Variants in DGKI observed in about 807,000 individuals in gnomAD.
DGKI encodes DAG kinase iota.
Under a neutral mutation model 147.5 loss-of-function variants are expected in DGKI, and 55 were observed. The ratio of observed to expected loss-of-function variants is 0.37; its 90% CI spans 0.30 to 0.47. DGKI has a LOEUF of 0.47. Among genes scored for constraint, DGKI ranks in the 20% least tolerant of loss-of-function variants. DGKI has a pLI of 1.00. For synonymous variants in DGKI, 469 were observed against 477.1 expected (o/e 0.98, Z 0.22); for missense variants, 1,007 against 1,323.8 (o/e 0.76, Z 3.71).
chr7:137,525,887 C>G (rs1008242672), intron 20 of DGKI, among the ~76,000 whole-genome samples: 5 of 151,848 alleles, frequency 3.3e-5, no homozygotes, highest in Non-Finnish European at 7.4e-5. Context: ...GCTGGGCTAC[C>G]TCTGGGGGGA....
Position 137,846,509 on chromosome 7 carries a change from C to A in DGKI, c.354G>T (p.Leu118=). 1 of 1,587,466 alleles carries A rather than the reference C, an allele frequency of 6.3e-7. No individual in the cohort carries two copies. The highest frequency in any genetic ancestry group is 8.5e-7 in the Non-Finnish European group (1 of 1,169,928). The change falls in exon 1 of 33, where the codon CTG becomes CTT. Residue 118 remains leucine, a synonymous_variant. Coordinates refer to ENST00000614521, the MANE Select transcript of DGKI (RefSeq NM_001321708.2). This position sits in a 1 kb window ranked among gnomAD's most constrained non-coding sequence, Gnocchi z 4.0. ...AAGTTAAGTTCCTCAGCTTCTCCTC[C>A]AGCGCTTCGTCCTTCTCCTTCTGGC... ...AAGQKEKDEA[L]EEKLRNLTFR...
At chr7:137,740,287 T>C (rs556069643) in intron 1 of DGKI, among the ~76,000 whole-genome samples, 11 of 152,320 alleles carry the variant, frequency 7.2e-5, no homozygotes, top group African/African-American at 2.4e-4. Flanking sequence ...TTTGATTTTA[T>C]TCCCATCATT....
At chr7:137,434,332 C>A (rs1813199337) in intron 28 of DGKI, among the ~76,000 whole-genome samples, 1 of 151,988 alleles carries the variant, frequency 6.6e-6, no homozygotes, top group Non-Finnish European at 1.5e-5. Context: ...GTAATCCCAG[C>A]ACTTTGGGAG....
At chr7:137,664,998 A>T (rs1227821148) in intron 3 of DGKI, among the ~76,000 whole-genome samples, 3 of 145,518 alleles carry the variant, frequency 2.1e-5, no homozygotes, top group African/African-American at 8.6e-5. Flanking sequence ...TGGCGGAAAA[A>T]CATTCTAGGC....
chr7:137,417,527 T>C (rs1235307991), intron 28 of DGKI, among the ~76,000 whole-genome samples: 1 of 152,222 alleles, frequency 6.6e-6, no homozygotes, highest in Non-Finnish European at 1.5e-5. Flanking sequence ...CTCTTAAGTC[T>C]GGGCTCTCAA....
intron 1 of DGKI, among the ~76,000 whole-genome samples, chr7:137,759,257 T>C (rs571143930): frequency 6.6e-6 from 1 of 152,332 alleles, no homozygotes; most frequent in African/African-American, 2.4e-5. Context: ...CTTAGTTCAC[T>C]GAGACAATGG....
chr7:137,698,361 G>C (rs367744103), intron 1 of DGKI, among the ~76,000 whole-genome samples: 11 of 152,196 alleles, frequency 7.2e-5, no homozygotes, highest in African/African-American at 2.6e-4. Context: ...TGCTTGTCAG[G>C]GATTAAAGGA....
At chr7:137,733,954 G>A (rs927364935) in intron 1 of DGKI, among the ~76,000 whole-genome samples, 1 of 152,006 alleles carries the variant, frequency 6.6e-6, no homozygotes, top group African/African-American at 2.4e-5. Context: ...CATTTGAATA[G>A]GCAACAGTTT....
intron 27 of DGKI, among the ~76,000 whole-genome samples, chr7:137,444,372 C>T (rs1428801220): frequency 6.6e-6 from 1 of 152,032 alleles, no homozygotes; most frequent in Non-Finnish European, 1.5e-5. Flanking sequence ...AGATTTACCA[C>T]ACAAAAAAAG....
intron 1 of DGKI, among the ~76,000 whole-genome samples, chr7:137,796,802 C>T (rs574960608): frequency 6.6e-6 from 1 of 152,066 alleles, no homozygotes; most frequent in Non-Finnish European, 1.5e-5. Flanking sequence ...TAAACAAAGC[C>T]TCAGAGACTT....
chr7:137,836,425 C>T (rs912749647), intron 1 of DGKI, among the ~76,000 whole-genome samples: 4 of 152,140 alleles, frequency 2.6e-5, no homozygotes, highest in Non-Finnish European at 4.4e-5. Flanking sequence ...AACAGGTCCT[C>T]GAGCTAAAGG....
intron 27 of DGKI, among the ~76,000 whole-genome samples, chr7:137,445,696 G>A (rs1239493337): frequency 6.6e-6 from 1 of 152,098 alleles, no homozygotes; most frequent in African/African-American, 2.4e-5. Flanking sequence ...AAGTCATCAT[G>A]TTACTGTAAA....
chr7:137,409,452 G>A (rs965963568), intron 29 of DGKI, among the ~76,000 whole-genome samples: 3 of 152,170 alleles, frequency 2.0e-5, no homozygotes, highest in African/African-American at 7.2e-5. Flanking sequence ...AGAAGCACTA[G>A]GGAAGCATGA....
intron 31 of DGKI, among the ~76,000 whole-genome samples, chr7:137,397,132 G>A (rs1476151001): frequency 3.9e-5 from 6 of 152,228 alleles, no homozygotes; most frequent in African/African-American, 1.2e-4. Context: ...TACATTGTTT[G>A]AAGCAAGCTC....
At chr7:137,546,906 C>G (rs922656690) in intron 20 of DGKI, among the ~76,000 whole-genome samples, 2 of 152,214 alleles carry the variant, frequency 1.3e-5, no homozygotes, top group Non-Finnish European at 2.9e-5. Flanking sequence ...TAATAGTTCT[C>G]AGCAGCCTAG....
rs554909671 is a variant in DGKI at position 137,711,764 on chromosome 7, G to A, written c.402-21762C>T. Among the ~76,000 whole-genome samples, 12 of 145,024 alleles carry A rather than the reference G, an allele frequency of 8.3e-5. No homozygotes were observed. In the South Asian group the frequency reaches 2.7e-3, roughly 32 times the overall value. On this transcript the variant is annotated intron_variant, in intron 1 of 32. Transcript: ENST00000614521. The stretch of plus-strand genomic sequence containing the variant: ...GCTGGAGTGCAGTGGTGCAATCTCG[G>A]CTCACTGCAACCTACGCCTCCTGGG...
At position 137,846,589 on chromosome 7, in the gene DGKI, C is replaced by A. The variant is rs762019681; in HGVS notation, c.274G>T (p.Ala92Ser). ...GAEGGADPRG[A>S]GSAAAAGAAA... ...GCCCCCGCCGCCGCGGCTGACCCTG[C>A]GCCCCGCGGGTCCGCGCCGCCCTCG... Residue 92 changes from alanine (A) to serine (S), a missense_variant, in exon 1 of 33, where the codon GCA becomes TCA. Physicochemically the swap from Ala to Ser is moderately conservative, Grantham distance 99. Around this residue, in one of 5 missense-constraint regions of DGKI, gnomAD observed 137 missense variants for 114.4 expected, o/e 1.20. Coordinates refer to ENST00000614521, the MANE Select transcript of DGKI (RefSeq NM_001321708.2). The surrounding 1 kb of genome is among the most constrained non-coding windows in gnomAD (Gnocchi z 4.0). 1.2e-4 allele frequency: 140 copies of A among 1,202,342 alleles called. No individual in the cohort carries two copies. In the Middle Eastern group the frequency reaches 5.2e-3, roughly 44 times the overall value. The allele number at this position is 1,202,342 out of a possible 1,614,324, so 74.5% of individuals were successfully genotyped here.
At position 137,486,924 on chromosome 7, in the gene DGKI, TAAAG is replaced by T. The variant is rs571449575; in HGVS notation, c.2328+682_2328+685del. Among the ~76,000 whole-genome samples, 8 of 152,148 alleles carry T rather than the reference TAAAG, an allele frequency of 5.3e-5. No individual in the cohort carries two copies. The South Asian group carries it at 1.7e-3, about 32-fold the overall frequency. On this transcript the variant is annotated intron_variant, in intron 22 of 32. Transcript: ENST00000614521. ...ATACATCTTTCATCAAAAAAAATGATAAAGAAATCGTCATATATGCTTTTTGCAA... is the reference window on the plus strand; with the variant it reads ...ATACATCTTTCATCAAAAAAAATGATAAATCGTCATATATGCTTTTTGCAA...
chr7:137,517,225 AAAAG>A (rs1282572073), intron 21 of DGKI, among the ~76,000 whole-genome samples: 2,012 of 137,460 alleles, frequency 0.015, 57 homozygotes, highest in African/African-American at 0.055. Context: ...AAAGAAAAGA[AAAAG>A]AAAGAAAGAA....
Sources: gnomAD v4.1 joint callset for allele counts (sites outside exome capture counted in the v4.1 genomes callset) on GRCh38, gnomAD v4.1.1 for gene constraint, gnomAD v4.1.1 regional missense constraint, Gnocchi (gnomAD v3.1) non-coding constraint, MANE v1.5 for transcripts, NCBI Gene and HGNC (gene_info 2026-07-23, HGNC 2026-07-21) for gene names.